Variants in STARD8 observed in about 807,000 individuals in gnomAD.
The protein encoded by STARD8 is stAR-related lipid transfer protein 8.
STARD8 carries 25 observed loss-of-function variants against 69.4 expected under a neutral mutation model. The observed-to-expected ratio is 0.36, with a 90% CI of 0.26 to 0.50. STARD8 has a LOEUF of 0.50. Among genes scored for constraint, STARD8 ranks in the 20% least tolerant of loss-of-function variants. The pLI is 0.96. For synonymous variants in STARD8, 389 were observed against 374.6 expected (o/e 1.04, Z -0.45); for missense variants, 921 against 932.5 (o/e 0.99, Z 0.16).
intron 2 of STARD8, among the ~76,000 whole-genome samples, chrX:68,690,358 T>C (rs2079867307): frequency 9.1e-6 from 1 of 110,296 alleles, no homozygotes; most frequent in Admixed American, 9.6e-5. Context: ...CTTTTGGATA[T>C]TAACCTAGCC....
At chrX:68,713,246 G>A (rs1602603329) in intron 3 of STARD8, among the ~76,000 whole-genome samples, 2 of 112,370 alleles carry the variant, frequency 1.8e-5, no homozygotes, top group African/African-American at 6.5e-5. Flanking sequence ...GGGTCATCAC[G>A]TGGTACCAAT....
intron 1 of STARD8, among the ~76,000 whole-genome samples, chrX:68,653,103 A>C (rs989453715): frequency 8.4e-3 from 26 of 3,098 alleles, no homozygotes; most frequent in Admixed American, 0.014. Context: ...CACACACACC[A>C]CACACACACA....
At chrX:68,707,378 C>G (rs182260773) in intron 2 of STARD8, among the ~76,000 whole-genome samples, 1 of 112,193 alleles carries the variant, frequency 8.9e-6, no homozygotes, top group East Asian at 2.8e-4. Flanking sequence ...GAACGTGGGC[C>G]TATGAATAGA....
intron 2 of STARD8, among the ~76,000 whole-genome samples, chrX:68,707,826 A>G (rs1179089607): frequency 8.1e-5 from 9 of 111,526 alleles, no homozygotes; most frequent in Non-Finnish European, 1.5e-4. Context: ...CTCTCTTATA[A>G]CCCACTGAGT....
chrX:68,681,512 C>G (rs2079800804), intron 2 of STARD8, among the ~76,000 whole-genome samples: 1 of 112,708 alleles, frequency 8.9e-6, no homozygotes, highest in African/African-American at 3.2e-5. Context: ...GTGCATGTGG[C>G]CAGCAACGGA....
chrX:68,723,014 G>A (rs1349293049), intron 12 of STARD8, among the ~76,000 whole-genome samples: 3 of 112,283 alleles, frequency 2.7e-5, no homozygotes, highest in Middle Eastern at 8.4e-3. Context: ...CAAGCATTAC[G>A]TCTCCCGAGT....
chrX:68,710,280 G>T (rs758082860), intron 2 of STARD8, among the ~76,000 whole-genome samples: 1 of 112,367 alleles, frequency 8.9e-6, no homozygotes, highest in African/African-American at 3.2e-5. Context: ...CAGCCTTCTG[G>T]GGAAGGGGCC....
intron 2 of STARD8, among the ~76,000 whole-genome samples, chrX:68,697,269 T>A (rs2079927640): frequency 9.0e-6 from 1 of 110,715 alleles, no homozygotes; most frequent in Non-Finnish European, 1.9e-5. Flanking sequence ...CCCTGGGAAA[T>A]CCATTCCAGG....
intron 2 of STARD8, among the ~76,000 whole-genome samples, chrX:68,697,760 C>T (rs983358880): frequency 2.7e-5 from 3 of 112,444 alleles, no homozygotes; most frequent in Non-Finnish European, 5.6e-5. Flanking sequence ...CCTCCATATC[C>T]GGGCCAGCCC....
At chrX:68,704,114 C>T (rs1245445933) in intron 2 of STARD8, among the ~76,000 whole-genome samples, 4 of 111,306 alleles carry the variant, frequency 3.6e-5, no homozygotes, top group Admixed American at 1.9e-4. Flanking sequence ...AACACAAAGA[C>T]CAAAAGTACC....
rs1044957099 is a variant in STARD8, at chrX:68,672,380, G to A, written c.79+6848G>A. On this transcript the variant is annotated intron_variant, in intron 2 of 14. Coordinates refer to ENST00000374599, the MANE Select transcript of STARD8 (RefSeq NM_001142503.3). ...TGATCTGCACAACAGCATAGAGCTAGTTGGCAGCAAAACTGAGACTAGAAC... is the reference window on the plus strand; with the variant it reads ...TGATCTGCACAACAGCATAGAGCTAATTGGCAGCAAAACTGAGACTAGAAC... Among the ~76,000 whole-genome samples the A allele has an allele frequency of 2.7e-5, 3 of 112,147 alleles. No individual in the cohort carries two copies. The Admixed American group carries it at 2.8e-4, about 11-fold the overall frequency.
intron 8 of STARD8, 43 bp from the exon 9 acceptor site, chrX:68,720,881 C>T: frequency 8.6e-7 from 1 of 1,159,425 alleles, no homozygotes; most frequent in African/African-American, 1.8e-5. Context: ...GCCTCCTACT[C>T]ATGCATGTTT....
In STARD8 at chrX:68,715,159, C is replaced by G. The variant is rs2080081768; in HGVS notation, c.152-135C>G. 5.6e-6 allele frequency: 3 copies of G among 533,715 alleles called. No individual in the cohort carries two copies. The African/African-American group carries it at 7.0e-5, about 13-fold the overall frequency. 44.0% of individuals were successfully genotyped at this position (533,715 alleles called of 1,213,427 possible). On this transcript the variant is annotated intron_variant, in intron 3 of 14. Transcript: ENST00000374599. ...CCTGGGCACCCTCCTTTATTCCTGACTTTTTTTCCTTCTGCTTTGCCTCTT... is the reference window on the plus strand; with the variant it reads ...CCTGGGCACCCTCCTTTATTCCTGAGTTTTTTTCCTTCTGCTTTGCCTCTT...
intron 2 of STARD8, among the ~76,000 whole-genome samples, chrX:68,699,895 G>A (rs2079953043): frequency 8.9e-6 from 1 of 111,998 alleles, no homozygotes; most frequent in Non-Finnish European, 1.9e-5. Flanking sequence ...CACGATTGGA[G>A]AGCCCTTGGA....
At chrX:68,677,820 A>G (rs1438633137) in intron 2 of STARD8, among the ~76,000 whole-genome samples, 1 of 108,376 alleles carries the variant, frequency 9.2e-6, no homozygotes, top group Non-Finnish European at 1.9e-5. Flanking sequence ...ATGATTTCAA[A>G]GTTCCCCATG....
intron 6 of STARD8, 95 bp from the exon 7 acceptor site, chrX:68,719,130 G>T: frequency 1.0e-6 from 1 of 976,289 alleles, no homozygotes; most frequent in Non-Finnish European, 1.3e-6. Context: ...TTTTTTCTTT[G>T]GGGAGAAAAA....
In STARD8 at chrX:68,689,584, C is replaced by T. The variant is rs775483359; in HGVS notation, c.80-23330C>T. On this transcript the variant is annotated intron_variant, in intron 2 of 14. Transcript: ENST00000374599. ...CAAGTGCCTGGAGGCAGTCATGAGC[C>T]GCCCCACACCTGTATGTCTGAGCTT... Among the ~76,000 whole-genome samples, 5 of 112,488 alleles carry T rather than the reference C, an allele frequency of 4.4e-5. No homozygotes were observed. In the South Asian group the frequency reaches 1.1e-3, roughly 25 times the overall value.
Position 68,667,374 on chromosome X carries a change from G to C in STARD8, c.79+1842G>C, listed in dbSNP as rs150160513. 3.7e-3 allele frequency among the ~76,000 whole-genome samples: 417 copies of C among 111,753 alleles called. 1 individual carries two copies. Among genetic ancestry groups the C allele is most frequent in the African/African-American group, 0.013 (405 of 30,746 alleles). Reference sequence around the variant, plus strand: ...ATCTACAAAATGGAGCTTATTGCATGGGACTCTTGTATGGATCACAATAGA... The same window carrying C: ...ATCTACAAAATGGAGCTTATTGCATCGGACTCTTGTATGGATCACAATAGA... On this transcript the variant is annotated intron_variant, in intron 2 of 14. Transcript: ENST00000374599.
In STARD8 at chrX:68,708,130, C is replaced by T. The variant is rs140348293; in HGVS notation, c.80-4784C>T. On this transcript the variant is annotated intron_variant, in intron 2 of 14. Transcript: ENST00000374599. ...AGCCACTTTCAAAACCAGCAAAAGC[C>T]CGATCAAATCTATAAGGTAACCACA... is the stretch of plus-strand genomic sequence containing the variant. Among the ~76,000 whole-genome samples the T allele has an allele frequency of 9.2e-3, 1,033 of 112,114 alleles. 7 individuals carry two copies. The highest frequency in any genetic ancestry group is 0.013 in the Non-Finnish European group (707 of 53,234).
Sources: gnomAD v4.1 joint callset for allele counts (sites outside exome capture counted in the v4.1 genomes callset) on GRCh38, gnomAD v4.1.1 for gene constraint, MANE v1.5 for transcripts, NCBI Gene and HGNC (gene_info 2026-07-23, HGNC 2026-07-21) for gene names.